LRRC28: variants seen among roughly 807,000 people sequenced by gnomAD.
LRRC28 encodes leucine-rich repeat-containing protein 28.
Under a neutral mutation model 45.7 loss-of-function variants are expected in LRRC28, and 39 were observed. The observed-to-expected ratio is 0.85, with a 90% confidence interval of 0.66 to 1.12. The LOEUF (loss-of-function observed/expected upper bound fraction) is 1.12. Among genes scored for constraint, LRRC28 ranks in the 50% most tolerant of loss-of-function variants. The probability of loss-of-function intolerance (pLI) is 0.00; values close to 1 mark genes in which losing one functional copy is unlikely to be tolerated. For synonymous variants in LRRC28, 206 were observed against 178.8 expected (o/e 1.15, Z -1.22); for missense variants, 435 against 438.5 (o/e 0.99, Z 0.07).
At chr15:99,277,343 A>G (rs2081645546) in intron 3 of LRRC28, among the ~76,000 whole-genome samples, 1 of 152,138 alleles carries the variant, frequency 6.6e-6, no homozygotes, top group African/African-American at 2.4e-5. Flanking sequence ...AACTAATAAG[A>G]AAGTTGAAAA....
At chr15:99,259,550 G>A in intron 2 of LRRC28, 3 of 1,302,368 alleles carry the variant, frequency 2.3e-6, no homozygotes, top group Non-Finnish European at 3.3e-6. Flanking sequence ...ATCTCTGTGT[G>A]CTTTGGTGGC....
intron 9 of LRRC28, among the ~76,000 whole-genome samples, chr15:99,378,968 C>T (rs1431374142): frequency 7.9e-5 from 12 of 151,934 alleles, no homozygotes; most frequent in African/African-American, 1.9e-4. Flanking sequence ...ATTTTTGCCT[C>T]AATGTTCTTC....
At chr15:99,325,890 A>T (rs1398235249) in intron 5 of LRRC28, among the ~76,000 whole-genome samples, 3 of 152,144 alleles carry the variant, frequency 2.0e-5, no homozygotes, top group Admixed American at 1.3e-4. Context: ...CCGCCATCTG[A>T]CGTATATTTT....
chr15:99,317,115 A>G (rs1955626323), intron 5 of LRRC28, among the ~76,000 whole-genome samples: 1 of 152,044 alleles, frequency 6.6e-6, no homozygotes, highest in Admixed American at 6.6e-5. Flanking sequence ...GACCATGAGT[A>G]TTAGACTAGG....
chr15:99,291,375 G>A (rs2082117239), intron 5 of LRRC28, among the ~76,000 whole-genome samples: 1 of 152,190 alleles, frequency 6.6e-6, no homozygotes, highest in Admixed American at 6.5e-5. Flanking sequence ...ACCATGAGTA[G>A]CACTTGACTG....
At chr15:99,328,937 C>T (rs1031870296) in intron 5 of LRRC28, among the ~76,000 whole-genome samples, 5 of 151,820 alleles carry the variant, frequency 3.3e-5, no homozygotes, top group Admixed American at 6.6e-5. Flanking sequence ...GATATCCCAG[C>T]GTTCCAGCTT....
intron 2 of LRRC28, chr15:99,258,488 A>G (rs2081093992): frequency 1.3e-6 from 1 of 772,066 alleles, no homozygotes; most frequent in Non-Finnish European, 2.3e-6. Context: ...GAAACTGTTA[A>G]GGAGCCATGA....
intron 9 of LRRC28, among the ~76,000 whole-genome samples, chr15:99,380,151 CTTA>C (rs1333195685): frequency 2.6e-5 from 4 of 152,030 alleles, no homozygotes; most frequent in African/African-American, 9.7e-5. Context: ...AAAGTCTCCC[CTTA>C]TTATTGTGTG....
At chr15:99,366,349 C>T (rs1302694372) in intron 9 of LRRC28, among the ~76,000 whole-genome samples, 1 of 152,132 alleles carries the variant, frequency 6.6e-6, no homozygotes, top group East Asian at 1.9e-4. Flanking sequence ...TTTATAAGGA[C>T]ACCATTCATA....
intron 5 of LRRC28, among the ~76,000 whole-genome samples, chr15:99,297,048 G>A (rs1244119333): frequency 6.6e-6 from 1 of 151,948 alleles, no homozygotes; most frequent in East Asian, 1.9e-4. Context: ...GGGTGTGGTG[G>A]TGGGCGCCTG....
chr15:99,254,537 CA>C (rs5814930), intron 1 of LRRC28, among the ~76,000 whole-genome samples: 62,704 of 151,938 alleles, frequency 0.41, 13,100 homozygotes, highest in Middle Eastern at 0.61. Context: ...GGAAAACAGT[CA>C]AATCTTTAAG....
At position 99,386,076 on chromosome 15, in the gene LRRC28, C is replaced by T. The variant is rs769568976; in HGVS notation, c.1078C>T (p.Leu360=). 1 of 1,614,204 alleles carries T rather than the reference C, an allele frequency of 6.2e-7. No individual in the cohort carries two copies. The highest frequency in any genetic ancestry group is 8.5e-7 in the Non-Finnish European group (1 of 1,180,026). ...GGCTTACTGCTGCTCCACCCAGTGTCTGCAGACTTTTGACCTGCTGAGTTG... is the reference window on the plus strand; with the variant it reads ...GGCTTACTGCTGCTCCACCCAGTGTTTGCAGACTTTTGACCTGCTGAGTTG... The part of the protein sequence containing the change: ...FVAYCCSTQC[L]QTFDLLS The change falls in exon 10 of 10, where the codon CTG becomes TTG. Residue 360 remains leucine (L), a synonymous_variant. Coordinates refer to ENST00000301981, the MANE Select transcript of LRRC28 (RefSeq NM_144598.5).
chr15:99,310,019 A>G (rs959221175), intron 5 of LRRC28, among the ~76,000 whole-genome samples: 2 of 152,236 alleles, frequency 1.3e-5, no homozygotes, highest in Non-Finnish European at 2.9e-5. Context: ...AATCAGTCAG[A>G]GACTTCTGAG....
intron 6 of LRRC28, chr15:99,337,782 T>C (rs1956374296): frequency 6.6e-6 from 1 of 152,280 alleles, no homozygotes; most frequent in Admixed American, 6.5e-5. Context: ...CACAAGGCTC[T>C]GGGCACCATC....
chr15:99,361,596 A>T (rs945955201), intron 8 of LRRC28, 85 bp downstream of exon 8: 11 of 1,114,766 alleles, frequency 9.9e-6, no homozygotes, highest in African/African-American at 9.8e-5. Context: ...GTTCATCTTT[A>T]AAAAAAAAAT....
chr15:99,315,310 G>A (rs1471410138), intron 5 of LRRC28, among the ~76,000 whole-genome samples: 3 of 152,136 alleles, frequency 2.0e-5, no homozygotes, highest in Middle Eastern at 3.2e-3. Flanking sequence ...TTTAGATAGT[G>A]TCATTGTTTA....
intron 3 of LRRC28, among the ~76,000 whole-genome samples, chr15:99,282,138 T>C (rs1000490553): frequency 2.0e-5 from 3 of 148,130 alleles, no homozygotes; most frequent in Non-Finnish European, 3.0e-5. Context: ...AATTCAGCTA[T>C]GAGTGAGGCC....
At chr15:99,370,890 T>A (rs1265382791) in intron 9 of LRRC28, among the ~76,000 whole-genome samples, 1 of 152,232 alleles carries the variant, frequency 6.6e-6, no homozygotes, top group African/African-American at 2.4e-5. Flanking sequence ...TAACAGTGGT[T>A]TCCTTTGAGT....
chr15:99,261,099 G>A (rs527984114), intron 2 of LRRC28, among the ~76,000 whole-genome samples: 42 of 152,274 alleles, frequency 2.8e-4, no homozygotes, highest in African/African-American at 7.5e-4. Context: ...GCTCAAAGCC[G>A]TGTAGTGGCT....
Sources: gnomAD v4.1 joint callset for allele counts (sites outside exome capture counted in the v4.1 genomes callset) on GRCh38, gnomAD v4.1.1 for gene constraint, MANE v1.5 for transcripts, NCBI Gene and HGNC (gene_info 2026-07-23, HGNC 2026-07-21) for gene names.